Variants in GDI2 observed in about 807,000 individuals in gnomAD.
GDI2 encodes the protein rab GDP dissociation inhibitor beta.
GDI2 carries 22 observed loss-of-function variants against 54.2 expected under a neutral mutation model. The observed-to-expected ratio is 0.41, with a 90% CI of 0.29 to 0.58. The LOEUF is 0.58. Ranked by LOEUF, GDI2 falls within the 20% of genes least tolerant of loss-of-function variation. The pLI is 0.35. For synonymous variants in GDI2, 177 were observed against 182.1 expected, an observed-to-expected ratio of 0.97 and a Z score of 0.23; for missense variants, 422 against 546.0, an observed-to-expected ratio of 0.77 and a Z score of 2.26.
intron 6 of GDI2, among the ~76,000 whole-genome samples, chr10:5,777,663 A>G (rs964406910): frequency 2.6e-5 from 4 of 152,246 alleles, no homozygotes; most frequent in African/African-American, 9.6e-5. Flanking sequence ...GTGGAGAAAT[A>G]GGAATACTTT....
chr10:5,799,412 G>A (rs1841217992), intron 2 of GDI2, among the ~76,000 whole-genome samples: 1 of 152,180 alleles, frequency 6.6e-6, no homozygotes, highest in Non-Finnish European at 1.5e-5. Flanking sequence ...AGCAGTTTGG[G>A]AGGCCAAGGC....
chr10:5,810,375 G>A (rs568391584), intron 1 of GDI2, among the ~76,000 whole-genome samples: 9 of 152,342 alleles, frequency 5.9e-5, no homozygotes, highest in South Asian at 4.1e-4. Context: ...AACAAGACTC[G>A]TGAATTTATT....
chr10:5,766,168 AC>A lies in GDI2; in HGVS notation c.1192-17del. On this transcript the variant is annotated splice_polypyrimidine_tract_variant and intron_variant, in intron 10 of 10. Coordinates refer to ENST00000380191, the MANE Select transcript of GDI2 (RefSeq NM_001494.4). The surrounding 1 kb of genome is among the most constrained non-coding windows in gnomAD (Gnocchi z 5.8). ...AAATAAAGATCTGAAAACAAAAATT[AC>A]GAAGACTTAAGACCATGGAGGGATG... 6.2e-7 allele frequency: 1 copy of A among 1,613,450 alleles called. No individual in the cohort carries two copies. Among genetic ancestry groups the A allele is most frequent in the Non-Finnish European group, 8.5e-7 (1 of 1,179,368 alleles).
intron 6 of GDI2, among the ~76,000 whole-genome samples, chr10:5,781,319 G>A (rs902217357): frequency 6.6e-6 from 1 of 151,708 alleles, no homozygotes; most frequent in African/African-American, 2.4e-5. Context: ...TGTGCCCTTG[G>A]GGGCAAGTAA....
At chr10:5,786,106 C>A in intron 4 of GDI2, 56 bp from the exon 5 acceptor site, 5 of 1,156,008 alleles carry the variant, frequency 4.3e-6, no homozygotes, top group South Asian at 1.3e-5. Context: ...TTGAGGAGAA[C>A]GAAGTATGAG....
Position 5,796,837 on chromosome 10 carries a change from C to G in GDI2, c.179G>C (p.Gly60Ala). Residue 60 changes from glycine (G) to alanine (A), a missense_variant, in exon 3 of 11, where the codon GGA becomes GCA. By Grantham distance (60) the Gly-to-Ala change is moderately conservative. Transcript: ENST00000380191. Reference sequence around the variant, plus strand: ...TCTCCCCATTGACTCGGGTGGTGATCCTGGTATTTTAAATCTTTTGTATAA... The same window carrying G: ...TCTCCCCATTGACTCGGGTGGTGATGCTGGTATTTTAAATCTTTTGTATAA... ...EDLYKRFKIPGSPPESMGRGR... is the reference protein window; with the variant it reads ...EDLYKRFKIPASPPESMGRGR... 1 of 1,578,746 alleles carries G rather than the reference C, an allele frequency of 6.3e-7. No homozygotes were observed. Among genetic ancestry groups the G allele is most frequent in the South Asian group, 1.1e-5 (1 of 89,848 alleles).
chr10:5,810,463 T>C (rs1281780028), intron 1 of GDI2, among the ~76,000 whole-genome samples: 3 of 152,102 alleles, frequency 2.0e-5, no homozygotes, highest in East Asian at 3.8e-4. Flanking sequence ...GAAAAGTAAA[T>C]GTTGCCAGCC....
chr10:5,774,244 C>T lies in GDI2; in HGVS notation c.720-303G>A, dbSNP rs1282532226. 2.6e-5 allele frequency among the ~76,000 whole-genome samples: 4 copies of T among 152,146 alleles called. No homozygotes were observed. The highest frequency in any genetic ancestry group is 1.3e-4 in the Admixed American group (2 of 15,278). ...TCCTGCCCTAAAGCTTTTCAATAAA[C>T]GTCCACTCCTGCTCTAAAACTTGCC... is the stretch of plus-strand genomic sequence containing the variant. On this transcript the variant is annotated intron_variant, in intron 6 of 10. Transcript: ENST00000380191. The surrounding 1 kb of genome is among the most constrained non-coding windows in gnomAD (Gnocchi z 4.8).
At chr10:5,788,362 T>C (rs1228749320) in intron 4 of GDI2, among the ~76,000 whole-genome samples, 1 of 152,150 alleles carries the variant, frequency 6.6e-6, no homozygotes, top group African/African-American at 2.4e-5. Context: ...CCAGATCACT[T>C]TATTTAAAGC....
intron 4 of GDI2, among the ~76,000 whole-genome samples, chr10:5,789,442 A>G (rs1022443141): frequency 6.6e-6 from 1 of 151,684 alleles, no homozygotes; most frequent in Non-Finnish European, 1.5e-5. Flanking sequence ...CTATATAAGG[A>G]TATATCGTCC....
chr10:5,809,193 C>T (rs1470159351), intron 1 of GDI2, among the ~76,000 whole-genome samples: 4 of 149,486 alleles, frequency 2.7e-5, no homozygotes, highest in African/African-American at 9.9e-5. Context: ...TGCGGTGAGC[C>T]GAGATCACAT....
chr10:5,802,476 G>A (rs1235266258), intron 1 of GDI2, among the ~76,000 whole-genome samples: 2 of 151,990 alleles, frequency 1.3e-5, no homozygotes, highest in South Asian at 2.1e-4. Flanking sequence ...GCGCATGCCT[G>A]TAATCCCAGC....
rs1298692388 is a variant in GDI2 at position 5,803,187 on chromosome 10, TCA to T, written c.46-2484_46-2483del. Among the ~76,000 whole-genome samples the T allele has an allele frequency of 3.6e-3, 546 of 152,272 alleles. 3 individuals carry two copies. Among genetic ancestry groups the T allele is most frequent in the African/African-American group, 0.012 (519 of 41,570 alleles). ...CACAATTTTGTTTTAGAAAATATAC[TCA>T]GGCAGATGGCTTAAGCCCAGGAGTT... On this transcript the variant is annotated intron_variant, in intron 1 of 10. Transcript: ENST00000380191.
intron 4 of GDI2, among the ~76,000 whole-genome samples, chr10:5,794,024 C>T (rs565891013): frequency 1.5e-4 from 23 of 150,974 alleles, no homozygotes; most frequent in African/African-American, 5.3e-4. Flanking sequence ...ATTAGCCGGG[C>T]GTGTTGGTAC....
At chr10:5,777,743 T>C (rs1339000759) in intron 6 of GDI2, among the ~76,000 whole-genome samples, 3 of 152,188 alleles carry the variant, frequency 2.0e-5, no homozygotes, top group East Asian at 1.9e-4. Flanking sequence ...CTCAAGGATC[T>C]AGAACCAGAA....
At chr10:5,782,982 A>C (rs1188777403) in intron 6 of GDI2, among the ~76,000 whole-genome samples, 1 of 152,228 alleles carries the variant, frequency 6.6e-6, no homozygotes, top group Non-Finnish European at 1.5e-5. Flanking sequence ...GAATCTCAAA[A>C]AATGAAAAAG....
At chr10:5,785,037 T>C (rs1840842567) in intron 6 of GDI2, 105 bp downstream of exon 6, 2 of 644,788 alleles carry the variant, frequency 3.1e-6, no homozygotes, top group African/African-American at 1.9e-5. Flanking sequence ...AAGCATCTTA[T>C]TACTCATAGA....
intron 8 of GDI2, among the ~76,000 whole-genome samples, chr10:5,767,192 C>T (rs1436690569): frequency 6.8e-6 from 1 of 146,642 alleles, no homozygotes; most frequent in African/African-American, 2.5e-5. Context: ...CATTTAAAGG[C>T]CAAAAAAAAA....
rs1004711492 is a variant in GDI2 at position 5,813,364 on chromosome 10, G to A, written c.-106C>T. Reference sequence around the variant, plus strand: ...CTCTTGGGCGCGAAGGAAAGGGGAAGAGAAAGAGAGGAAAATGGAGCTGGC... The same window carrying A: ...CTCTTGGGCGCGAAGGAAAGGGGAAAAGAAAGAGAGGAAAATGGAGCTGGC... On this transcript the variant is annotated 5_prime_UTR_variant, in exon 1 of 11. Transcript: ENST00000380191. The A allele has an allele frequency of 2.6e-5, 20 of 769,528 alleles. No homozygotes were observed. In the East Asian group the frequency reaches 5.2e-4, roughly 20 times the overall value. The allele number at this position is 769,528 out of a possible 1,614,324, so 47.7% of individuals were successfully genotyped here. A position where few individuals can be genotyped will look rare whatever the true frequency, so the allele number is the denominator to read the frequency against.
Sources: gnomAD v4.1 joint callset for allele counts (sites outside exome capture counted in the v4.1 genomes callset) on GRCh38, gnomAD v4.1.1 for gene constraint, Gnocchi (gnomAD v3.1) non-coding constraint, MANE v1.5 for transcripts, NCBI Gene and HGNC (gene_info 2026-07-23, HGNC 2026-07-21) for gene names.